The following B3GLCT variants were observed in gnomAD, a reference collection of about 807,000 sequenced individuals.
B3GLCT encodes the protein beta 3-glucosyltransferase, also known as beta-1,3-glucosyltransferase.
In B3GLCT, 65 loss-of-function variants were observed where a neutral mutation model predicts 63.4. The ratio of observed to expected loss-of-function variants is 1.03; its 90% confidence interval spans 0.84 to 1.26. The LOEUF is 1.26. Among genes scored for constraint, B3GLCT ranks in the 50% most tolerant of loss-of-function variants. The pLI is 0.00. For missense variants in B3GLCT, 577 were observed against 604.8 expected, an observed-to-expected ratio of 0.95 and a Z score of 0.48; for synonymous variants, 233 against 219.2, an observed-to-expected ratio of 1.06 and a Z score of -0.55.
intron 1 of B3GLCT, among the ~76,000 whole-genome samples, chr13:31,201,429 G>T (rs1457204513): frequency 6.6e-6 from 1 of 152,182 alleles, no homozygotes; most frequent in African/African-American, 2.4e-5. Flanking sequence ...GGCACCTCCG[G>T]CAGAGAAGGC....
chr13:31,288,537 C>G (rs993372940), intron 12 of B3GLCT, among the ~76,000 whole-genome samples: 2 of 152,076 alleles, frequency 1.3e-5, no homozygotes, highest in Admixed American at 1.3e-4. Flanking sequence ...CCACTGGGGC[C>G]CAAAGACTGA....
chr13:31,304,222 C>A (rs1232258327), intron 12 of B3GLCT, among the ~76,000 whole-genome samples: 1 of 47,146 alleles, frequency 2.1e-5, no homozygotes, highest in African/African-American at 8.4e-5. Context: ...GCTGCAAAAT[C>A]ATGCCAAAAT....
At chr13:31,208,621 C>G (rs1379385875) in intron 1 of B3GLCT, among the ~76,000 whole-genome samples, 2 of 84,778 alleles carry the variant, frequency 2.4e-5, no homozygotes, top group Admixed American at 2.0e-4. Flanking sequence ...CTTTAGTGGC[C>G]CCCCCCCCCC....
intron 4 of B3GLCT, among the ~76,000 whole-genome samples, chr13:31,231,874 G>A (rs1870397932): frequency 6.6e-6 from 1 of 152,202 alleles, no homozygotes; most frequent in African/African-American, 2.4e-5. Context: ...TAGGGCCCAG[G>A]TACAAGAGCA....
rs1873224480 is a variant in B3GLCT at position 31,284,587 on chromosome 13, T to G, written c.851-61T>G. ...TTTGTAGATGATTATACTGCCATTT[T>G]GAATTTTTAAGCTTCCTTGTGTAAC... On this transcript the variant is annotated intron_variant, in intron 10 of 14. Coordinates refer to ENST00000343307, the MANE Select transcript of B3GLCT (RefSeq NM_194318.4). 6.4e-6 allele frequency: 6 copies of G among 934,202 alleles called. No homozygotes were observed. In the South Asian group the frequency reaches 7.8e-5, roughly 12 times the overall value. The allele number at this position is 934,202 out of a possible 1,614,324, so 57.9% of individuals were successfully genotyped here.
rs998448367 is a variant in B3GLCT, at chr13:31,331,435, C to T, written c.*1767C>T. 3 of 152,058 alleles carry T rather than the reference C, an allele frequency of 2.0e-5. No individual in the cohort carries two copies. The highest frequency in any genetic ancestry group is 1.9e-4 in the East Asian group (1 of 5,182). 9.4% of individuals were successfully genotyped at this position (152,058 alleles called of 1,614,324 possible). ...GTGCCTTCTACTGATACCGGGGCAC[C>T]TCCTCTGGTACTTTTAAGTGTTTTG... On this transcript the variant is annotated 3_prime_UTR_variant, in exon 15 of 15. Transcript: ENST00000343307.
chr13:31,291,026 T>G (rs1873629612), intron 12 of B3GLCT, among the ~76,000 whole-genome samples: 2 of 152,198 alleles, frequency 1.3e-5, no homozygotes, highest in Admixed American at 1.3e-4. Flanking sequence ...CCATTTTAAT[T>G]TTTGTATAAG....
intron 14 of B3GLCT, among the ~76,000 whole-genome samples, chr13:31,327,248 C>G (rs774033563): frequency 4.6e-5 from 7 of 152,250 alleles, no homozygotes; most frequent in Non-Finnish European, 1.0e-4. Flanking sequence ...GCCAGCATCA[C>G]TACTCTTGCT....
Position 31,267,505 on chromosome 13 carries a change from T to G in B3GLCT, c.597-1709T>G, listed in dbSNP as rs866287836. ...ATCTCACTTGCCAGGGCAGACATTT[T>G]TTCTCTTAAGTATATATTTGGAGTG... On this transcript the variant is annotated intron_variant, in intron 7 of 14. Coordinates refer to ENST00000343307, the MANE Select transcript of B3GLCT (RefSeq NM_194318.4). Among the ~76,000 whole-genome samples the G allele has an allele frequency of 2.0e-5, 3 of 152,354 alleles. No homozygotes were observed. The South Asian group carries it at 6.2e-4, about 32-fold the overall frequency.
At chr13:31,246,951 C>CTTTTTTTTTTTTTTTTTTTTTTTTTTT in intron 4 of B3GLCT, 72 bp from the exon 5 acceptor site, 1 of 778,770 alleles carries the variant, frequency 1.3e-6, no homozygotes, top group Non-Finnish European at 2.0e-6. Flanking sequence ...CTTTTCTTTT[C>CTTTTTTTTTTTTTTTTTTTTTTTTTTT]TTTTTTTTTT....
intron 12 of B3GLCT, among the ~76,000 whole-genome samples, chr13:31,314,204 G>C (rs1217176806): frequency 1.3e-5 from 2 of 152,172 alleles, no homozygotes; most frequent in Non-Finnish European, 2.9e-5. Flanking sequence ...CCCCCACACA[G>C]AGTCCCTACT....
Position 31,323,618 on chromosome 13 carries a change from G to A in B3GLCT, c.1185-133G>A, listed in dbSNP as rs1293717418. 3 of 1,003,210 alleles carry A rather than the reference G, an allele frequency of 3.0e-6. No homozygotes were observed. The East Asian group carries it at 7.1e-5, about 24-fold the overall frequency. The allele number at this position is 1,003,210 out of a possible 1,614,324, so 62.1% of individuals were successfully genotyped here. ...GAGAACAGGTAGGGTTTTACCTAGA[G>A]CTCAGTAACTAGAGAAAGCTACTAT... On this transcript the variant is annotated intron_variant, in intron 13 of 14. Coordinates refer to ENST00000343307, the MANE Select transcript of B3GLCT (RefSeq NM_194318.4).
intron 14 of B3GLCT, among the ~76,000 whole-genome samples, chr13:31,328,528 C>T (rs1428927210): frequency 6.6e-6 from 1 of 151,684 alleles, no homozygotes; most frequent in African/African-American, 2.4e-5. Context: ...ACCCCCGTCT[C>T]CACTAAATAC....
intron 4 of B3GLCT, among the ~76,000 whole-genome samples, chr13:31,238,191 T>C (rs1458563264): frequency 6.6e-6 from 1 of 152,234 alleles, no homozygotes; most frequent in African/African-American, 2.4e-5. Context: ...TCATTACCTA[T>C]GCCTGTTTTG....
chr13:31,259,201 A>G (rs1343504427), intron 6 of B3GLCT, among the ~76,000 whole-genome samples: 1 of 152,174 alleles, frequency 6.6e-6, no homozygotes, highest in Non-Finnish European at 1.5e-5. Context: ...GTCTTATTTG[A>G]TAACTGCAAA....
chr13:31,260,150 A>C (rs138274886), intron 6 of B3GLCT, among the ~76,000 whole-genome samples: 2 of 152,218 alleles, frequency 1.3e-5, no homozygotes, highest in East Asian at 3.9e-4. Context: ...CATTGACTGT[A>C]TCAAACTTTT....
At chr13:31,320,594 A>G (rs1029260820) in intron 13 of B3GLCT, among the ~76,000 whole-genome samples, 4 of 152,178 alleles carry the variant, frequency 2.6e-5, no homozygotes, top group African/African-American at 9.7e-5. Context: ...CATGGCATGA[A>G]AGTCTTTTGC....
At chr13:31,224,123 C>T (rs1271094237) in intron 3 of B3GLCT, among the ~76,000 whole-genome samples, 6 of 152,110 alleles carry the variant, frequency 3.9e-5, no homozygotes, top group South Asian at 2.1e-4. Flanking sequence ...GTCTTGGGCA[C>T]GCATATCTAG....
intron 13 of B3GLCT, among the ~76,000 whole-genome samples, chr13:31,319,162 G>C (rs1004094975): frequency 6.6e-6 from 1 of 152,150 alleles, no homozygotes; most frequent in Admixed American, 6.5e-5. Context: ...AATTGTCACT[G>C]CTCCCCCTTC....
Sources: gnomAD v4.1 joint callset for allele counts (sites outside exome capture counted in the v4.1 genomes callset) on GRCh38, gnomAD v4.1.1 for gene constraint, MANE v1.5 for transcripts, NCBI Gene and HGNC (gene_info 2026-07-23, HGNC 2026-07-21) for gene names.